Variants in SHMT1 observed in about 807,000 individuals in gnomAD.
SHMT1 encodes serine hydroxymethyltransferase 1.
In SHMT1, 45 loss-of-function variants were observed where a neutral mutation model predicts 49.0. That is an observed-to-expected ratio of 0.92 (90% CI 0.72 to 1.18). The LOEUF is 1.18. Ranked by LOEUF, SHMT1 falls within the 50% of genes most tolerant of loss-of-function variation. The probability of loss-of-function intolerance (pLI) is 0.00; values close to 1 mark genes in which losing one functional copy is unlikely to be tolerated. For missense variants in SHMT1, 541 were observed against 612.4 expected, an observed-to-expected ratio of 0.88 and a Z score of 1.23; for synonymous variants, 232 against 246.6, an observed-to-expected ratio of 0.94 and a Z score of 0.55.
chr17:18,355,774 C>A, intron 2 of SHMT1, 112 bp downstream of exon 2: 1 of 736,906 alleles, frequency 1.4e-6, no homozygotes. Flanking sequence ...CCTCTAAATC[C>A]AGCAGGATAA....
intron 5 of SHMT1, among the ~76,000 whole-genome samples, chr17:18,344,970 C>G (rs571347498): frequency 6.6e-6 from 1 of 152,308 alleles, no homozygotes; most frequent in East Asian, 1.9e-4. Flanking sequence ...TGGGACACCC[C>G]CTAACCTCCA....
chr17:18,342,200 AC>A (rs1984592167), intron 5 of SHMT1, among the ~76,000 whole-genome samples: 1 of 152,204 alleles, frequency 6.6e-6, no homozygotes, highest in African/African-American at 2.4e-5. Flanking sequence ...ATATATATAA[AC>A]AATGTAATAA....
At chr17:18,354,891 ATAC>A (rs1305567738) in intron 2 of SHMT1, among the ~76,000 whole-genome samples, 24 of 134,664 alleles carry the variant, frequency 1.8e-4, no homozygotes, top group South Asian at 5.1e-4. Context: ...AAAAAAAATA[ATAC>A]AAAAAATTAG....
At position 18,335,609 on chromosome 17, in the gene SHMT1, G is replaced by A; in HGVS notation, c.881C>T (p.Ser294Phe). Reference sequence around the variant, plus strand: ...TCCCTGCAGGCCAGGGAACACAGCAGAATTGATAAGAGACTCCAGGTTGTA... The same window carrying A: ...TCCCTGCAGGCCAGGGAACACAGCAAAATTGATAAGAGACTCCAGGTTGTA... ...ILYNLESLIN[S>F]AVFPGLQGGP... The change falls in exon 8 of 12, where the codon TCT (serine) becomes TTT (phenylalanine). Residue 294 changes from serine (S) to phenylalanine (F), a missense_variant. Coordinates refer to ENST00000316694, the MANE Select transcript of SHMT1 (RefSeq NM_004169.5). 1 of 1,614,118 alleles carries A rather than the reference G, an allele frequency of 6.2e-7. No homozygotes were observed. Among genetic ancestry groups the A allele is most frequent in the Non-Finnish European group, 8.5e-7 (1 of 1,180,010 alleles).
At chr17:18,359,512 C>T (rs1366591424) in intron 1 of SHMT1, among the ~76,000 whole-genome samples, 4 of 151,584 alleles carry the variant, frequency 2.6e-5, no homozygotes, top group Non-Finnish European at 5.9e-5. Context: ...CTGTCTATAG[C>T]AAAAATATAA....
chr17:18,338,461 C>T (rs1314262839), intron 7 of SHMT1, among the ~76,000 whole-genome samples: 4 of 143,422 alleles, frequency 2.8e-5, no homozygotes, highest in South Asian at 4.3e-4. Flanking sequence ...CGCCTCTGCC[C>T]GGCCGCCCCT....
chr17:18,361,780 C>T (rs573777693), intron 1 of SHMT1, among the ~76,000 whole-genome samples: 15 of 149,546 alleles, frequency 1.0e-4, no homozygotes, highest in African/African-American at 2.9e-4. Context: ...AGTGAGACTC[C>T]GTCTCAAAAA....
In SHMT1 at chr17:18,330,573, T is replaced by C; in HGVS notation, c.1153A>G (p.Asn385Asp). The C allele has an allele frequency of 6.2e-7, 1 of 1,611,252 alleles. No individual in the cohort carries two copies. ...TTCTCACCTGGACAGGTGTTCTTGTTGCAGGCAATAGAACAGGCTTCTAGC... is the reference window on the plus strand; with the variant it reads ...TTCTCACCTGGACAGGTGTTCTTGTCGCAGGCAATAGAACAGGCTTCTAGC... ...KVLEACSIAC[N>D]KNTCPGDRSA... The change falls in exon 10 of 12, where the codon AAC becomes GAC. Residue 385 changes from asparagine (N) to aspartate (D), a missense_variant. By Grantham distance (23) the Asn-to-Asp change is conservative. Coordinates refer to ENST00000316694, the MANE Select transcript of SHMT1 (RefSeq NM_004169.5).
intron 9 of SHMT1, chr17:18,331,232 C>T: frequency 4.5e-6 from 1 of 223,432 alleles, no homozygotes; most frequent in Non-Finnish European, 9.0e-6. Context: ...TTTGAACCTT[C>T]ATTAAGCTGG....
intron 10 of SHMT1, 38 bp from the exon 11 acceptor site, chr17:18,329,426 G>GGTGACAATGTGAC: frequency 1.3e-6 from 2 of 1,488,912 alleles, no homozygotes; most frequent in Non-Finnish European, 1.9e-6. Context: ...AAGTCACATT[G>GGTGACAATGTGAC]TCACCACTGT....
chr17:18,329,108 T>G (rs1181122161), intron 11 of SHMT1, among the ~76,000 whole-genome samples, 170 bp downstream of exon 11: 1 of 152,088 alleles, frequency 6.6e-6, no homozygotes, highest in East Asian at 1.9e-4. Flanking sequence ...CAGCCCAAAT[T>G]TATAACCCTC....
intron 3 of SHMT1, among the ~76,000 whole-genome samples, chr17:18,351,081 G>A (rs1279959130): frequency 1.3e-5 from 2 of 151,868 alleles, no homozygotes; most frequent in Non-Finnish European, 2.9e-5. Context: ...TCCAAAGGTA[G>A]ATTAATATTA....
chr17:18,328,703 G>C lies in SHMT1; in HGVS notation c.*47C>G, dbSNP rs3783. On this transcript the variant is annotated 3_prime_UTR_variant, in exon 12 of 12. Transcript: ENST00000316694. ...CTCTCAGGTGGGGGTCCTCCGGCAGGCAGCTTCCTCTGTGGCGCCAGGTGG... is the reference window on the plus strand; with the variant it reads ...CTCTCAGGTGGGGGTCCTCCGGCAGCCAGCTTCCTCTGTGGCGCCAGGTGG... 0.29 allele frequency: 450,284 copies of C among 1,545,742 alleles called. 68,375 individuals are homozygous for C. The highest frequency in any genetic ancestry group is 0.31 in the Non-Finnish European group (359,693 of 1,145,654).
intron 1 of SHMT1, among the ~76,000 whole-genome samples, chr17:18,361,297 T>TC (rs1986739148): frequency 1.7e-5 from 1 of 57,422 alleles, no homozygotes; most frequent in Non-Finnish European, 3.6e-5. Context: ...AGACTCTGTC[T>TC]CAAAAAAAAA....
chr17:18,340,547 C>T lies in SHMT1; in HGVS notation c.601+185G>A. 1.4e-6 allele frequency: 1 copy of T among 704,818 alleles called. No homozygotes were observed. Among genetic ancestry groups the T allele is most frequent in the Non-Finnish European group, 2.6e-6 (1 of 391,786 alleles). 43.7% of individuals were successfully genotyped at this position (704,818 alleles called of 1,614,324 possible). A position where few individuals can be genotyped will look rare whatever the true frequency, so the allele number is the denominator to read the frequency against. On this transcript the variant is annotated intron_variant, in intron 6 of 11. Transcript: ENST00000316694. The surrounding 1 kb of genome is among the most constrained non-coding windows in gnomAD (Gnocchi z 4.5). ...CAGTCTCACATCTTAATCTACATAGCACAAAAAGCAGCAAACACACATCTG... is the reference window on the plus strand; with the variant it reads ...CAGTCTCACATCTTAATCTACATAGTACAAAAAGCAGCAAACACACATCTG...
intron 10 of SHMT1, 53 bp from the exon 11 acceptor site, chr17:18,329,441 G>A: frequency 1.4e-6 from 2 of 1,396,542 alleles, no homozygotes; most frequent in Non-Finnish European, 1.0e-6. Flanking sequence ...CACTGTGATG[G>A]TGGTGCATTT....
chr17:18,331,767 C>T (rs1050767559), intron 9 of SHMT1: 5 of 152,184 alleles, frequency 3.3e-5, no homozygotes, highest in African/African-American at 1.2e-4. Flanking sequence ...GAAACAGGGA[C>T]CTAAAGCAGT....
chr17:18,356,538 G>A (rs923999166), intron 1 of SHMT1, among the ~76,000 whole-genome samples: 1 of 151,448 alleles, frequency 6.6e-6, no homozygotes, highest in African/African-American at 2.4e-5. Flanking sequence ...GTTTTATCAC[G>A]TTGGTCAGGC....
chr17:18,351,609 T>C (rs918839231), intron 3 of SHMT1, among the ~76,000 whole-genome samples: 1 of 151,702 alleles, frequency 6.6e-6, no homozygotes, highest in Non-Finnish European at 1.5e-5. Flanking sequence ...ATACAAAAAA[T>C]AAATAAATAA....
Sources: allele counts gnomAD v4.1 joint callset (sites outside exome capture counted in the v4.1 genomes callset), GRCh38; gene constraint gnomAD v4.1.1; non-coding constraint Gnocchi (gnomAD v3.1); transcripts MANE v1.5; gene names NCBI Gene and HGNC (gene_info 2026-07-23, HGNC 2026-07-21).